The following KLHDC4 variants were observed in gnomAD, a reference collection of about 807,000 sequenced individuals.
KLHDC4 encodes kelch domain containing 4.
In KLHDC4, 90 loss-of-function variants were observed where a neutral mutation model predicts 62.4. The observed-to-expected ratio is 1.44, with a 90% CI of 1.22 to 1.72. The LOEUF (loss-of-function observed/expected upper bound fraction) is 1.72, where lower values mean the gene tolerates loss of function less well. Ranked by LOEUF, KLHDC4 falls within the 40% of genes most tolerant of loss-of-function variation. The pLI is 0.00. For missense variants in KLHDC4, 1,025 were observed against 699.7 expected (o/e 1.47, Z -5.25); for synonymous variants, 386 against 284.4 (o/e 1.36, Z -3.59).
At chr16:87,708,580 A>C in intron 10 of KLHDC4, 114 bp from the exon 11 acceptor site, 1 of 605,720 alleles carries the variant, frequency 1.7e-6, no homozygotes, top group Non-Finnish European at 2.6e-6. Context: ...AAGAACCATA[A>C]TGTGAAACCT....
chr16:87,740,893 CA>C (rs1316385206), intron 5 of KLHDC4: 8 of 152,200 alleles, frequency 5.3e-5, no homozygotes, highest in Admixed American at 3.9e-4. Flanking sequence ...ATCTATGCTG[CA>C]AAGTCGCAAT....
At chr16:87,749,999 GGA>G (rs1009065701) in intron 4 of KLHDC4, among the ~76,000 whole-genome samples, 10 of 151,196 alleles carry the variant, frequency 6.6e-5, no homozygotes, top group African/African-American at 2.5e-4. Flanking sequence ...GGGATGCTGA[GGA>G]GAGAGCAGAC....
chr16:87,702,948 G>C (rs1280345245), downstream of KLHDC4: 1 of 152,392 alleles, frequency 6.6e-6, no homozygotes, highest in Non-Finnish European at 1.5e-5. Flanking sequence ...ATGAAAAAAA[G>C]TTTTCCTAAA....
At chr16:87,763,447 T>C (rs1373022533) in intron 1 of KLHDC4, 1 of 151,940 alleles carries the variant, frequency 6.6e-6, no homozygotes, top group Non-Finnish European at 1.5e-5. Flanking sequence ...TACTAAAAAA[T>C]ACAAAAATTA....
chr16:87,765,104 C>A, intron 1 of KLHDC4: 1 of 455,962 alleles, frequency 2.2e-6, no homozygotes. Context: ...CTGTGCCTGG[C>A]GCACGGCAGG....
intron 7 of KLHDC4, among the ~76,000 whole-genome samples, chr16:87,717,419 T>C (rs551603109): frequency 3.3e-4 from 50 of 152,376 alleles, no homozygotes; most frequent in South Asian, 2.7e-3. Flanking sequence ...AACATGCAAA[T>C]GATCCACTGT....
At chr16:87,730,745 G>A in intron 5 of KLHDC4, 101 bp from the exon 6 acceptor site, 1 of 975,260 alleles carries the variant, frequency 1.0e-6, no homozygotes, top group Non-Finnish European at 1.6e-6. Context: ...ACTGATTTCT[G>A]TTTTGTGAGC....
intron 2 of KLHDC4, among the ~76,000 whole-genome samples, chr16:87,760,623 A>G (rs2045733308): frequency 1.3e-5 from 2 of 150,472 alleles, no homozygotes; most frequent in Admixed American, 1.3e-4. Context: ...AAAAAAAAAA[A>G]AAAGTCTCTA....
At chr16:87,746,181 G>C (rs917544873) in intron 5 of KLHDC4, among the ~76,000 whole-genome samples, 4 of 152,092 alleles carry the variant, frequency 2.6e-5, no homozygotes, top group South Asian at 2.1e-4. Context: ...GAGGCAGGAA[G>C]ACCACTTGAG....
intron 4 of KLHDC4, among the ~76,000 whole-genome samples, chr16:87,754,342 T>G (rs1350174827): frequency 6.6e-6 from 1 of 152,092 alleles, no homozygotes; most frequent in East Asian, 1.9e-4. Flanking sequence ...CAAGACTCCA[T>G]CTCAACAACA....
intron 1 of KLHDC4, chr16:87,765,186 G>C (rs1405755404): frequency 8.8e-6 from 4 of 455,950 alleles, no homozygotes; most frequent in African/African-American, 6.0e-5. Flanking sequence ...GGTCAGGACG[G>C]ATCCTCCTGC....
At chr16:87,757,005 G>T (rs111803868) in intron 2 of KLHDC4, among the ~76,000 whole-genome samples, 3 of 151,660 alleles carry the variant, frequency 2.0e-5, no homozygotes, top group South Asian at 4.2e-4. Flanking sequence ...AGTAGAGATG[G>T]GGTTTCACTG....
chr16:87,764,668 A>G (rs1359008665), intron 1 of KLHDC4, among the ~76,000 whole-genome samples: 1 of 147,900 alleles, frequency 6.8e-6, no homozygotes, highest in African/African-American at 2.5e-5. Context: ...AAAAAAAAAA[A>G]AAAAAAAGCA....
intron 3 of KLHDC4, 190 bp from the exon 4 acceptor site, chr16:87,755,482 A>G (rs2044730310): frequency 4.3e-6 from 2 of 466,230 alleles, no homozygotes; most frequent in Admixed American, 7.1e-5. Context: ...AAACGACCGA[A>G]CGCCCACCAG....
chr16:87,730,234 G>A lies in KLHDC4; in HGVS notation c.599+318C>T, dbSNP rs144008170. ...CTCCCAAAGTGCTGGGATTATAGGC[G>A]TGAGGCACCATGCCCAGCCAAAACC... On this transcript the variant is annotated intron_variant, in intron 6 of 11. Coordinates refer to ENST00000270583, the MANE Select transcript of KLHDC4 (RefSeq NM_017566.4). 5.9e-3 allele frequency among the ~76,000 whole-genome samples: 902 copies of A among 152,354 alleles called. 6 individuals are homozygous for A. The highest frequency in any genetic ancestry group is 0.011 in the Non-Finnish European group (718 of 68,044).
chr16:87,708,596 C>G, intron 10 of KLHDC4, 130 bp from the exon 11 acceptor site: 1 of 516,250 alleles, frequency 1.9e-6, no homozygotes, highest in Non-Finnish European at 3.2e-6. Flanking sequence ...AACCTAACTC[C>G]TCTTCCCCGA....
chr16:87,718,322 TCCCTCTCCCTCCCCCTCTCCTCC>T (rs2037453784), intron 7 of KLHDC4, among the ~76,000 whole-genome samples: 1 of 7,148 alleles, frequency 1.4e-4, no homozygotes, highest in African/African-American at 6.2e-4. Flanking sequence ...TCCCTCCCCC[TCCCTCTCCCTCCCCCTCTCCTCC>T]CCCTCCCCCT....
intron 5 of KLHDC4, among the ~76,000 whole-genome samples, chr16:87,746,328 G>C (rs992336444): frequency 2.0e-5 from 3 of 151,958 alleles, no homozygotes; most frequent in South Asian, 4.2e-4. Flanking sequence ...AAGAGACAGA[G>C]AGGAGAAAAA....
intron 7 of KLHDC4, among the ~76,000 whole-genome samples, chr16:87,722,999 C>A (rs925292409): frequency 6.6e-6 from 1 of 152,336 alleles, no homozygotes; most frequent in Admixed American, 6.5e-5. Context: ...TCTTCTCTGG[C>A]CTGGGCCGCG....
Sources: allele counts gnomAD v4.1 joint callset (sites outside exome capture counted in the v4.1 genomes callset), GRCh38; gene constraint gnomAD v4.1.1; transcripts MANE v1.5; gene names NCBI Gene and HGNC (gene_info 2026-07-23, HGNC 2026-07-21).